Variants in DNAJB1 observed in about 807,000 individuals in gnomAD.
DNAJB1 encodes the protein DnaJ heat shock protein family (Hsp40) member B1.
Under a neutral mutation model 24.0 loss-of-function variants are expected in DNAJB1, and 14 were observed. The ratio of observed to expected loss-of-function variants is 0.58; its 90% confidence interval spans 0.39 to 0.91. The LOEUF (loss-of-function observed/expected upper bound fraction) is 0.91. Among genes scored for constraint, DNAJB1 ranks in the 40% least tolerant of loss-of-function variants. The pLI is 0.00. For synonymous variants in DNAJB1, 262 were observed against 174.4 expected (o/e 1.50, Z -3.96); for missense variants, 517 against 458.1 (o/e 1.13, Z -1.17).
intron 1 of DNAJB1, among the ~76,000 whole-genome samples, chr19:14,557,938 G>A (rs1052386376): frequency 1.3e-5 from 2 of 151,520 alleles, no homozygotes; most frequent in African/African-American, 4.9e-5. Context: ...TGTATTTTTA[G>A]TAGAGATGGG....
In DNAJB1 at chr19:14,518,357, T is replaced by G; in HGVS notation, c.-8A>C. 6.5e-7 allele frequency: 1 copy of G among 1,548,928 alleles called. No homozygotes were observed. The highest frequency in any genetic ancestry group is 2.0e-5 in the Admixed American group (1 of 50,796). ...GTAGTAGTCTTTACCCATGACCCCC[T>G]CCTGCGGCCCGCCGACCCGCTGTCG... On this transcript the variant is annotated 5_prime_UTR_variant, in exon 1 of 3. Coordinates refer to ENST00000254322, the MANE Select transcript of DNAJB1 (RefSeq NM_006145.3).
intron 1 of DNAJB1, among the ~76,000 whole-genome samples, chr19:14,545,559 T>A (rs1402095737): frequency 6.6e-6 from 1 of 152,140 alleles, no homozygotes; most frequent in African/African-American, 2.4e-5. Context: ...ATCCCGGCCC[T>A]TGGATCGCTG....
At chr19:14,553,219 A>G (rs2073599717), upstream of DNAJB1, among the ~76,000 whole-genome samples, 1 of 152,182 alleles carries the variant, frequency 6.6e-6, no homozygotes, top group Non-Finnish European at 1.5e-5. Context: ...TGGGAACAGC[A>G]GCTCCAGCTT....
chr19:14,542,326 A>C (rs1184020997), intron 1 of DNAJB1, among the ~76,000 whole-genome samples: 1 of 126,374 alleles, frequency 7.9e-6, no homozygotes, highest in African/African-American at 3.0e-5. Flanking sequence ...TTAAGTCCTC[A>C]GGGGGCCCTC....
intron 1 of DNAJB1, among the ~76,000 whole-genome samples, chr19:14,543,104 C>T (rs2073157162): frequency 1.3e-5 from 2 of 150,246 alleles, no homozygotes; most frequent in Non-Finnish European, 3.0e-5. Flanking sequence ...GAAGTTAACA[C>T]AAGCCCTGGG....
chr19:14,515,717 C>T lies in DNAJB1; in HGVS notation c.*223G>A, dbSNP rs2072245098. 1 of 508,920 alleles carries T rather than the reference C, an allele frequency of 2.0e-6. No homozygotes were observed. The highest frequency in any genetic ancestry group is 2.0e-5 in the African/African-American group (1 of 49,972). 31.5% of individuals were successfully genotyped at this position (508,920 alleles called of 1,614,324 possible). A position where few individuals can be genotyped will look rare whatever the true frequency, so the allele number is the denominator to read the frequency against. On this transcript the variant is annotated 3_prime_UTR_variant, in exon 3 of 3. Transcript: ENST00000254322. ...GACCCAGTGGGGCAGACTGGAATGCCTTTTCCTGCTGTTCCCACCACCTGA... is the reference window on the plus strand; with the variant it reads ...GACCCAGTGGGGCAGACTGGAATGCTTTTTCCTGCTGTTCCCACCACCTGA...
In DNAJB1 at chr19:14,518,373, C is replaced by G. The variant is rs775704407; in HGVS notation, c.-24G>C. The G allele has an allele frequency of 1.6e-5, 24 of 1,528,894 alleles. No homozygotes were observed. Among genetic ancestry groups the G allele is most frequent in the African/African-American group, 8.4e-5 (6 of 71,708 alleles). 94.7% of individuals were successfully genotyped at this position (1,528,894 alleles called of 1,614,324 possible). ...ATGACCCCCTCCTGCGGCCCGCCGA[C>G]CCGCTGTCGCCGTCCCCCGGCTCCG... is the stretch of plus-strand genomic sequence containing the variant. On this transcript the variant is annotated 5_prime_UTR_variant, in exon 1 of 3. Coordinates refer to ENST00000254322, the MANE Select transcript of DNAJB1 (RefSeq NM_006145.3).
chr19:14,522,825 C>T (rs1206163062), upstream of DNAJB1, among the ~76,000 whole-genome samples: 1 of 152,060 alleles, frequency 6.6e-6, no homozygotes, highest in Non-Finnish European at 1.5e-5. Context: ...AGTTCAAATC[C>T]TGGACCAACT....
At chr19:14,548,263 A>T (rs1036229848) in intron 1 of DNAJB1, among the ~76,000 whole-genome samples, 1 of 151,868 alleles carries the variant, frequency 6.6e-6, no homozygotes, top group Non-Finnish European at 1.5e-5. Flanking sequence ...GCCTGGGCCT[A>T]ATGGGCATTT....
chr19:14,544,806 A>G (rs1228339345), intron 1 of DNAJB1, among the ~76,000 whole-genome samples: 2 of 151,374 alleles, frequency 1.3e-5, no homozygotes, highest in Admixed American at 1.3e-4. Context: ...CTAATTTGAA[A>G]ATTTTCTGTA....
rs528043979 is a variant in DNAJB1 at position 14,541,348 on chromosome 19, A to G, written c.-214+8860T>C. ...CCTGCCCGTGGCTGTCCTGTTCCCC[A>G]TCATCTCAACCCTCCTGGCACAGCG... On this transcript the variant is annotated intron_variant, in intron 1 of 3. Coordinates refer to the DNAJB1 transcript ENST00000676982. 9.2e-5 allele frequency among the ~76,000 whole-genome samples: 14 copies of G among 152,236 alleles called. No individual in the cohort carries two copies. In the South Asian group the frequency reaches 2.9e-3, roughly 32 times the overall value.
chr19:14,540,174 C>T (rs1018859583), intron 1 of DNAJB1, among the ~76,000 whole-genome samples: 1 of 152,068 alleles, frequency 6.6e-6, no homozygotes, highest in Non-Finnish European at 1.5e-5. Context: ...ATTCTCCTGC[C>T]TCAGCCTCCC....
At chr19:14,548,705 G>A (rs566652014) in intron 1 of DNAJB1, among the ~76,000 whole-genome samples, 1 of 152,220 alleles carries the variant, frequency 6.6e-6, no homozygotes, top group African/African-American at 2.4e-5. Flanking sequence ...AGCCTCCCAA[G>A]TAGCTGGGAT....
At chr19:14,522,730 A>T (rs1039162378), upstream of DNAJB1, among the ~76,000 whole-genome samples, 4 of 141,612 alleles carry the variant, frequency 2.8e-5, no homozygotes, top group Non-Finnish European at 6.3e-5. Flanking sequence ...ACACACACAC[A>T]CTCCTACTGG....
Position 14,515,653 on chromosome 19 carries a change from A to G in DNAJB1, c.*287T>C, listed in dbSNP as rs2072243966. The G allele has an allele frequency of 2.5e-6, 1 of 400,354 alleles. No individual in the cohort carries two copies. The highest frequency in any genetic ancestry group is 4.5e-6 in the Non-Finnish European group (1 of 222,226). The allele number at this position is 400,354 out of a possible 1,614,324, so 24.8% of individuals were successfully genotyped here. On this transcript the variant is annotated 3_prime_UTR_variant, in exon 3 of 3. Transcript: ENST00000254322. ...GTCTGCCTCTCACCCCTGGCCAGGG[A>G]CTGGAGGTGGATGTGGGCCCATCCC...
rs532172007 is a variant in DNAJB1 at position 14,516,865 on chromosome 19, G to C, written c.393C>G (p.Phe131Leu). 5 of 1,614,146 alleles carry C rather than the reference G, an allele frequency of 3.1e-6. No individual in the cohort carries two copies. Among genetic ancestry groups the C allele is most frequent in the East Asian group, 4.5e-5 (2 of 44,884 alleles). ...GEEGMDIDDP[F>L]SGFPMGMGGF... ...CACCCATGCCCATAGGGAAGCCAGA[G>C]AATGGGTCATCAATGTCCATGCCTT... The change falls in exon 2 of 3, where the codon TTC becomes TTG. Residue 131 changes from phenylalanine (F) to leucine (L), a missense_variant. Coordinates refer to ENST00000254322, the MANE Select transcript of DNAJB1 (RefSeq NM_006145.3).
At chr19:14,517,990 A>T in intron 1 of DNAJB1, 149 bp downstream of exon 1, 1 of 857,828 alleles carries the variant, frequency 1.2e-6, no homozygotes, top group Non-Finnish European at 1.6e-6. Context: ...CGCCAATCCG[A>T]GGGCGGAGGC....
Position 14,540,835 on chromosome 19 carries a change from T to G in DNAJB1, c.-214+9373A>C, listed in dbSNP as rs561065952. On this transcript the variant is annotated intron_variant, in intron 1 of 3. Coordinates refer to the DNAJB1 transcript ENST00000676982. Reference sequence around the variant, plus strand: ...TGTATCACTATGTCTGGCTGCTTTTTTTTGTTTGTTTGTTTGTTTGAGTTG... The same window carrying G: ...TGTATCACTATGTCTGGCTGCTTTTGTTTGTTTGTTTGTTTGTTTGAGTTG... 5.0e-4 allele frequency among the ~76,000 whole-genome samples: 76 copies of G among 152,198 alleles called. 1 individual carries two copies. The highest frequency in any genetic ancestry group is 1.4e-3 in the African/African-American group (57 of 41,518).
At chr19:14,529,778 C>T, upstream of DNAJB1, 1 of 1,607,934 alleles carries the variant, frequency 6.2e-7, no homozygotes, top group South Asian at 1.1e-5. Flanking sequence ...TTTGCGGGAC[C>T]ACGGGACCCC....
Sources: gnomAD v4.1 joint callset for allele counts (sites outside exome capture counted in the v4.1 genomes callset) on GRCh38, gnomAD v4.1.1 for gene constraint, MANE v1.5 for transcripts, NCBI Gene and HGNC (gene_info 2026-07-23, HGNC 2026-07-21) for gene names.